Variants in CUL5 observed in about 807,000 individuals in gnomAD.
CUL5 encodes the protein cullin-5.
CUL5 carries 26 observed loss-of-function variants against 108.8 expected under a neutral mutation model. The observed-to-expected ratio is 0.24, with a 90% CI of 0.18 to 0.33. The LOEUF is 0.33. CUL5 is among the 10% of genes least tolerant of loss of function. The pLI, the probability that CUL5 is intolerant of heterozygous loss-of-function variation, is 1.00. For missense variants in CUL5, 524 were observed against 909.2 expected (o/e 0.58, Z 5.45); for synonymous variants, 334 against 298.0 (o/e 1.12, Z -1.25).
intron 1 of CUL5, among the ~76,000 whole-genome samples, chr11:108,029,091 TTTTTCCA>T (rs2135075006): frequency 6.6e-6 from 1 of 152,344 alleles, no homozygotes; most frequent in South Asian, 2.1e-4. Context: ...TAGAATACCC[TTTTTCCA>T]GGTATTCCCC....
At position 108,030,933 on chromosome 11, in the gene CUL5, T is replaced by A. The variant is rs1188949038; in HGVS notation, c.25-2869T>A. 2.0e-5 allele frequency among the ~76,000 whole-genome samples: 3 copies of A among 152,160 alleles called. No individual in the cohort carries two copies. The East Asian group carries it at 5.8e-4, about 29-fold the overall frequency. ...ATGTGTAATCACCACCTCAGATGAT[T>A]TTCACGTAGGTTGTTGTCAGATCAT... is the stretch of plus-strand genomic sequence containing the variant. On this transcript the variant is annotated intron_variant, in intron 1 of 18. Coordinates refer to ENST00000393094, the MANE Select transcript of CUL5 (RefSeq NM_003478.6).
chr11:108,033,826 G>C lies in CUL5; in HGVS notation c.49G>C (p.Asp17His). 1 of 1,607,434 alleles carries C rather than the reference G, an allele frequency of 6.2e-7. No homozygotes were observed. Among genetic ancestry groups the C allele is most frequent in the Non-Finnish European group, 8.5e-7 (1 of 1,176,130 alleles). Residue 17 changes from aspartate (D) to histidine (H), a missense_variant, in exon 2 of 19, where the codon GAC becomes CAC. By Grantham distance (81) the Asp-to-His change is moderately conservative. Transcript: ENST00000393094. ...GAATAAAGGTTCTCTTCAGTTTGAAGACAAATGGGATTTTATGCGCCCGAT... is the reference window on the plus strand; with the variant it reads ...GAATAAAGGTTCTCTTCAGTTTGAACACAAATGGGATTTTATGCGCCCGAT... ...LKNKGSLQFE[D>H]KWDFMRPIVL...
chr11:108,021,650 G>C (rs977775357), intron 1 of CUL5, among the ~76,000 whole-genome samples: 2 of 151,762 alleles, frequency 1.3e-5, no homozygotes, highest in African/African-American at 4.8e-5. Context: ...ACCACACCCA[G>C]TTAATATTTT....
At chr11:108,030,986 AT>A (rs1245517749) in intron 1 of CUL5, among the ~76,000 whole-genome samples, 1 of 152,112 alleles carries the variant, frequency 6.6e-6, no homozygotes, top group Non-Finnish European at 1.5e-5. Flanking sequence ...CAGTGTTATA[AT>A]TTCAGGGAGT....
At chr11:108,099,701 G>C (rs926935917) in intron 18 of CUL5, among the ~76,000 whole-genome samples, 1 of 152,082 alleles carries the variant, frequency 6.6e-6, no homozygotes, top group Admixed American at 6.6e-5. Context: ...CAGAACATTT[G>C]TGTCACACCA....
intron 1 of CUL5, among the ~76,000 whole-genome samples, chr11:108,011,000 A>G (rs899798779): frequency 2.4e-4 from 37 of 152,340 alleles, no homozygotes; most frequent in African/African-American, 8.7e-4. Flanking sequence ...TCTAAATGAA[A>G]AAAGAAAAGG....
At chr11:108,064,035 T>G (rs1369853189) in intron 7 of CUL5, among the ~76,000 whole-genome samples, 1 of 152,334 alleles carries the variant, frequency 6.6e-6, no homozygotes, top group East Asian at 1.9e-4. Flanking sequence ...CTTGTCTGAT[T>G]CCTCTAACTA....
At chr11:108,095,828 G>T in intron 16 of CUL5, 137 bp downstream of exon 16, 2 of 764,000 alleles carry the variant, frequency 2.6e-6, no homozygotes, top group Non-Finnish European at 4.1e-6. Flanking sequence ...GGGCACAGTG[G>T]ATCACGCCTG....
chr11:108,048,620 C>T (rs12274053), intron 3 of CUL5, among the ~76,000 whole-genome samples: 8 of 143,014 alleles, frequency 5.6e-5, no homozygotes, highest in African/African-American at 2.2e-4. Context: ...AGCCCAAACT[C>T]TAATAGTGGG....
At chr11:108,097,600 T>C in intron 16 of CUL5, 36 bp from the exon 17 acceptor site, 1 of 1,193,584 alleles carries the variant, frequency 8.4e-7, no homozygotes, top group Non-Finnish European at 1.2e-6. Context: ...CCATACTGTT[T>C]ATAGATGCTA....
intron 1 of CUL5, among the ~76,000 whole-genome samples, chr11:108,031,346 C>T (rs1301704117): frequency 1.5e-5 from 2 of 131,708 alleles, no homozygotes; most frequent in Non-Finnish European, 3.2e-5. Context: ...GCCTGGGCAA[C>T]AGAACGAGAC....
chr11:108,090,445 C>A (rs996784373), intron 13 of CUL5, among the ~76,000 whole-genome samples: 1 of 151,978 alleles, frequency 6.6e-6, no homozygotes, highest in Non-Finnish European at 1.5e-5. Context: ...GAGCTGAAAT[C>A]GAGCCACTGA....
intron 2 of CUL5, among the ~76,000 whole-genome samples, chr11:108,036,044 C>G (rs1862734944): frequency 6.6e-6 from 1 of 152,194 alleles, no homozygotes. Flanking sequence ...CCAACTTGAT[C>G]TGCTCAAAAA....
chr11:108,052,867 G>T, intron 5 of CUL5, 66 bp downstream of exon 5: 1 of 1,395,048 alleles, frequency 7.2e-7, no homozygotes, highest in Non-Finnish European at 9.7e-7. Context: ...TTATGGAATA[G>T]CACAATCAAA....
chr11:108,094,555 G>C, intron 14 of CUL5, 41 bp downstream of exon 14: 1 of 1,110,250 alleles, frequency 9.0e-7, no homozygotes, highest in Non-Finnish European at 1.3e-6. Context: ...TTTAAACTTA[G>C]AAGAATATCT....
chr11:108,042,601 T>C (rs933122482), intron 2 of CUL5, among the ~76,000 whole-genome samples: 1 of 152,014 alleles, frequency 6.6e-6, no homozygotes, highest in Non-Finnish European at 1.5e-5. Flanking sequence ...GGCAAACTCC[T>C]ATTTTTGGAG....
intron 1 of CUL5, among the ~76,000 whole-genome samples, chr11:108,028,272 G>A (rs1461862632): frequency 6.6e-6 from 1 of 152,104 alleles, no homozygotes. Context: ...TATTCTAGTT[G>A]ATGGTAGTGC....
intron 18 of CUL5, among the ~76,000 whole-genome samples, chr11:108,101,493 T>G (rs758370885): frequency 2.0e-5 from 3 of 152,248 alleles, no homozygotes; most frequent in Non-Finnish European, 2.9e-5. Context: ...ACTGAGCTCT[T>G]GAAGCCTCTG....
intron 11 of CUL5, among the ~76,000 whole-genome samples, chr11:108,079,412 A>AT (rs1320489586): frequency 1.3e-4 from 19 of 151,876 alleles, no homozygotes; most frequent in Admixed American, 4.6e-4. Flanking sequence ...AGTCCCAAGC[A>AT]TTTTTTTTAA....
Sources: allele counts gnomAD v4.1 joint callset (sites outside exome capture counted in the v4.1 genomes callset), GRCh38; gene constraint gnomAD v4.1.1; transcripts MANE v1.5; gene names NCBI Gene and HGNC (gene_info 2026-07-23, HGNC 2026-07-21).